The following MYO7A variants were observed in gnomAD, a reference collection of about 807,000 sequenced individuals.
The protein encoded by MYO7A is myosin VIIA.
MYO7A carries 210 observed loss-of-function variants against 263.8 expected under a neutral mutation model. The observed-to-expected ratio is 0.80, with a 90% CI of 0.71 to 0.89. The LOEUF (loss-of-function observed/expected upper bound fraction) is 0.89. MYO7A is among the 40% of genes least tolerant of loss of function. The probability of loss-of-function intolerance (pLI) is 0.00; values close to 1 mark genes in which losing one functional copy is unlikely to be tolerated. For synonymous variants in MYO7A, 1,239 were observed against 1,197.3 expected (o/e 1.03, Z -0.72); for missense variants, 2,820 against 2,968.3 (o/e 0.95, Z 1.16).
intron 15 of MYO7A, among the ~76,000 whole-genome samples, chr11:77,168,157 C>T (rs1019460919): frequency 5.3e-5 from 8 of 152,166 alleles, no homozygotes; most frequent in South Asian, 4.1e-4. Context: ...CCCTCCTACC[C>T]GTTCTTCTCT....
chr11:77,134,797 T>TTTTTTG (rs1950864683), intron 2 of MYO7A, among the ~76,000 whole-genome samples: 2 of 150,814 alleles, frequency 1.3e-5, no homozygotes, highest in South Asian at 4.2e-4. Flanking sequence ...TTTTTTTTTT[T>TTTTTTG]TTTGAGACAG....
chr11:77,139,978 T>C (rs1047463469), intron 2 of MYO7A, among the ~76,000 whole-genome samples: 1 of 152,172 alleles, frequency 6.6e-6, no homozygotes, highest in East Asian at 1.9e-4. Context: ...TCTGAAACTG[T>C]TTCCTCAAGT....
rs529158192 is a variant in MYO7A at position 77,148,170 on chromosome 11, C to T, written c.285+220C>T. 4.6e-5 allele frequency among the ~76,000 whole-genome samples: 7 copies of T among 152,308 alleles called. No homozygotes were observed. The South Asian group carries it at 6.2e-4, about 14-fold the overall frequency. On this transcript the variant is annotated intron_variant, in intron 4 of 48. Coordinates refer to ENST00000409709, the MANE Select transcript of MYO7A (RefSeq NM_000260.4). ...CCTCTTGGGCTGTGGCTTTTGTAGT[C>T]TGTGGTTGGGGTGGGGAGCGGTTTG...
chr11:77,168,931 AG>A (rs1953824744), intron 15 of MYO7A, among the ~76,000 whole-genome samples: 1 of 152,232 alleles, frequency 6.6e-6, no homozygotes, highest in Non-Finnish European at 1.5e-5. Context: ...TATACAAGCG[AG>A]GGCTAAAGTG....
chr11:77,181,339 G>A (rs1444563684), intron 22 of MYO7A, 41 bp from the exon 23 acceptor site: 12 of 1,517,232 alleles, frequency 7.9e-6, no homozygotes, highest in African/African-American at 1.4e-5. Flanking sequence ...TGTGGCACCG[G>A]GGGCTGACCC....
intron 2 of MYO7A, among the ~76,000 whole-genome samples, chr11:77,131,182 C>G (rs1313470715): frequency 6.6e-6 from 1 of 152,140 alleles, no homozygotes; most frequent in African/African-American, 2.4e-5. Context: ...TCAGCCCTTC[C>G]CCGTGATCAG....
Sources: allele counts gnomAD v4.1 joint callset (sites outside exome capture counted in the v4.1 genomes callset), GRCh38; gene constraint gnomAD v4.1.1; transcripts MANE v1.5; gene names NCBI Gene and HGNC (gene_info 2026-07-23, HGNC 2026-07-21).